Variants in PEPD observed in about 807,000 individuals in gnomAD.
PEPD encodes the protein xaa-Pro dipeptidase.
PEPD carries 53 observed loss-of-function variants against 60.7 expected under a neutral mutation model. The ratio of observed to expected loss-of-function variants is 0.87; its 90% CI spans 0.70 to 1.10. The LOEUF is 1.10. Ranked by LOEUF, PEPD falls within the 50% of genes least tolerant of loss-of-function variation. The pLI is 0.00. For synonymous variants in PEPD, 267 were observed against 284.1 expected (o/e 0.94, Z 0.60); for missense variants, 711 against 711.9 (o/e 1.00, Z 0.01).
chr19:33,460,516 T>C (rs1250533777), intron 9 of PEPD, among the ~76,000 whole-genome samples: 1 of 151,914 alleles, frequency 6.6e-6, no homozygotes, highest in Non-Finnish European at 1.5e-5. Context: ...TCAGAGGGGG[T>C]GACCCCTCTC....
intron 9 of PEPD, among the ~76,000 whole-genome samples, chr19:33,455,095 G>T (rs185796121): frequency 6.6e-6 from 1 of 152,320 alleles, no homozygotes; most frequent in South Asian, 2.1e-4. Flanking sequence ...CTCCCAGATG[G>T]GATCCTGGAA....
chr19:33,480,092 T>C (rs1364744877), intron 6 of PEPD, among the ~76,000 whole-genome samples: 2 of 152,222 alleles, frequency 1.3e-5, no homozygotes, highest in African/African-American at 2.4e-5. Context: ...ACTTTTTGAC[T>C]TTTTAATAAA....
chr19:33,472,454 A>G (rs1970138363), intron 7 of PEPD, among the ~76,000 whole-genome samples: 1 of 152,184 alleles, frequency 6.6e-6, no homozygotes, highest in South Asian at 2.1e-4. Flanking sequence ...GGGCATCAAC[A>G]TGCCTGGAGG....
chr19:33,514,980 C>T (rs927656724), intron 1 of PEPD, among the ~76,000 whole-genome samples: 2 of 152,178 alleles, frequency 1.3e-5, no homozygotes, highest in African/African-American at 4.8e-5. Context: ...AGGTCCCTGG[C>T]TAACACAACA....
rs1035905249 is a variant in PEPD, at chr19:33,490,465, G to A, written c.442-408C>T. On this transcript the variant is annotated intron_variant, in intron 5 of 14. Coordinates refer to ENST00000244137, the MANE Select transcript of PEPD (RefSeq NM_000285.4). ...ACTCCCCACTAACTGTATAACATCC[G>A]AAAGAGTCCTGTCGAACCCAGCCCT... is the stretch of plus-strand genomic sequence containing the variant. 2.6e-5 allele frequency among the ~76,000 whole-genome samples: 4 copies of A among 152,172 alleles called. No individual in the cohort carries two copies. The East Asian group carries it at 5.8e-4, about 22-fold the overall frequency.
chr19:33,393,250 TCTGGC>T (rs1395532924), intron 12 of PEPD, among the ~76,000 whole-genome samples: 1 of 122,368 alleles, frequency 8.2e-6, no homozygotes, highest in African/African-American at 3.3e-5. Flanking sequence ...GGGTCTGGGG[TCTGGC>T]GTGGGGGAGG....
intron 12 of PEPD, among the ~76,000 whole-genome samples, chr19:33,398,081 T>C (rs900411003): frequency 1.3e-5 from 2 of 152,130 alleles, no homozygotes; most frequent in African/African-American, 4.8e-5. Flanking sequence ...GGTAAGACAA[T>C]GGCTTTCCCA....
intron 3 of PEPD, among the ~76,000 whole-genome samples, chr19:33,503,351 T>C (rs1292348528): frequency 6.6e-6 from 1 of 152,236 alleles, no homozygotes; most frequent in Non-Finnish European, 1.5e-5. Context: ...TCACGGGGTA[T>C]CAAGCTCCTG....
chr19:33,516,026 C>T (rs1460009914), intron 1 of PEPD, among the ~76,000 whole-genome samples: 1 of 152,134 alleles, frequency 6.6e-6, no homozygotes, highest in African/African-American at 2.4e-5. Context: ...ATGCTTATTT[C>T]TCCATGGGGC....
At chr19:33,387,622 T>TCTGCC in intron 14 of PEPD, 141 bp from the exon 15 acceptor site, 7 of 1,092,820 alleles carry the variant, frequency 6.4e-6, no homozygotes, top group Non-Finnish European at 9.5e-6. Context: ...CCGGGCTCCT[T>TCTGCC]CATGGAGCCA....
chr19:33,473,600 C>T (rs539991793), intron 7 of PEPD, among the ~76,000 whole-genome samples: 139 of 152,354 alleles, frequency 9.1e-4, no homozygotes, highest in Non-Finnish European at 1.4e-3. Flanking sequence ...TCTCCCCTGA[C>T]GCTTCCAGAG....
chr19:33,468,140 G>A (rs2145280886), intron 7 of PEPD, among the ~76,000 whole-genome samples: 1 of 152,310 alleles, frequency 6.6e-6, no homozygotes, highest in African/African-American at 2.4e-5. Flanking sequence ...GAGACCTGGA[G>A]AATGGAGGTG....
intron 3 of PEPD, among the ~76,000 whole-genome samples, chr19:33,505,901 C>A (rs1227259207): frequency 2.3e-5 from 3 of 132,212 alleles, no homozygotes; most frequent in Non-Finnish European, 5.2e-5. Flanking sequence ...TACTTACACA[C>A]CCACACATAC....
At chr19:33,402,230 G>C (rs901728109) in intron 11 of PEPD, among the ~76,000 whole-genome samples, 4 of 152,190 alleles carry the variant, frequency 2.6e-5, no homozygotes, top group Non-Finnish European at 5.9e-5. Context: ...ACTAAGGAGA[G>C]GCAGAGATGC....
In PEPD at chr19:33,424,727, G is replaced by A. The variant is rs150923643; in HGVS notation, c.672-11084C>T. ...ATACCCGAGACTGAGTAATTATAAA[G>A]GAAAAGAGGTTTAATGGACTCACAG... On this transcript the variant is annotated intron_variant, in intron 9 of 14. Transcript: ENST00000244137. Among the ~76,000 whole-genome samples, 54 of 152,232 alleles carry A rather than the reference G, an allele frequency of 3.5e-4. No individual in the cohort carries two copies. In the East Asian group the frequency reaches 9.5e-3, roughly 27 times the overall value.
At chr19:33,454,411 G>C (rs1969757541) in intron 9 of PEPD, among the ~76,000 whole-genome samples, 1 of 152,160 alleles carries the variant, frequency 6.6e-6, no homozygotes, top group South Asian at 2.1e-4. Flanking sequence ...AGACCAGCCT[G>C]GCCAACATGG....
intron 12 of PEPD, 81 bp downstream of exon 12, chr19:33,401,640 C>T (rs1352826498): frequency 7.1e-5 from 93 of 1,310,866 alleles, no homozygotes; most frequent in Non-Finnish European, 8.3e-5. Context: ...AATGCAGACC[C>T]GTTCCCTGCA....
intron 7 of PEPD, among the ~76,000 whole-genome samples, chr19:33,467,406 C>T (rs1970041824): frequency 6.6e-6 from 1 of 151,746 alleles, no homozygotes; most frequent in Non-Finnish European, 1.5e-5. Context: ...ATTTACTGCT[C>T]ACATAAATGC....
At chr19:33,505,968 C>A (rs114165265) in intron 3 of PEPD, among the ~76,000 whole-genome samples, 1,533 of 148,442 alleles carry the variant, frequency 0.01, 28 homozygotes, top group African/African-American at 0.035. Flanking sequence ...CACTCACACC[C>A]ACACCCCATC....
Sources: allele counts gnomAD v4.1 joint callset (sites outside exome capture counted in the v4.1 genomes callset), GRCh38; gene constraint gnomAD v4.1.1; transcripts MANE v1.5; gene names NCBI Gene and HGNC (gene_info 2026-07-23, HGNC 2026-07-21).